PRICKLE2: variants seen among roughly 807,000 people sequenced by gnomAD.
PRICKLE2 encodes the protein prickle-like protein 2.
PRICKLE2 carries 21 observed loss-of-function variants against 81.4 expected under a neutral mutation model. That is an observed-to-expected ratio of 0.26 (90% CI 0.18 to 0.37). The LOEUF is 0.37. Among genes scored for constraint, PRICKLE2 ranks in the 10% least tolerant of loss-of-function variants. PRICKLE2 has a pLI of 1.00. For missense variants in PRICKLE2, 940 were observed against 1,109.0 expected, an observed-to-expected ratio of 0.85 and a Z score of 2.16; for synonymous variants, 456 against 421.5, an observed-to-expected ratio of 1.08 and a Z score of -1.00.
intron 2 of PRICKLE2, chr3:64,163,433 T>G: frequency 2.3e-6 from 1 of 444,432 alleles, no homozygotes; most frequent in Non-Finnish European, 4.2e-6. Flanking sequence ...GGGTAGGGCT[T>G]TCTCGGCAGA....
intron 7 of PRICKLE2, among the ~76,000 whole-genome samples, chr3:64,135,832 C>A (rs2077270584): frequency 6.6e-6 from 1 of 152,110 alleles, no homozygotes; most frequent in South Asian, 2.1e-4. Flanking sequence ...CTAGGTTAAA[C>A]AATCAAACAC....
At chr3:64,202,641 T>TGTGC (rs2078605836) in intron 1 of PRICKLE2, among the ~76,000 whole-genome samples, 1 of 95,974 alleles carries the variant, frequency 1.0e-5, no homozygotes, top group South Asian at 4.6e-4. Context: ...TAGGTACTTG[T>TGTGC]GTGCGTGTGT....
At chr3:64,248,447 T>G (rs1034056472) in intron 2 of PRICKLE2, among the ~76,000 whole-genome samples, 2 of 152,110 alleles carry the variant, frequency 1.3e-5, no homozygotes, top group Admixed American at 1.3e-4. Context: ...CACCCACATA[T>G]GCAGTAAGTT....
intron 7 of PRICKLE2, among the ~76,000 whole-genome samples, chr3:64,114,669 G>GAAAA (rs34758393): frequency 1.3e-5 from 2 of 148,914 alleles, no homozygotes; most frequent in Non-Finnish European, 3.0e-5. Context: ...GACAAGAATA[G>GAAAA]AAAAAAAAAA....
intron 7 of PRICKLE2, among the ~76,000 whole-genome samples, chr3:64,119,263 C>T (rs864377): frequency 0.6 from 91,660 of 152,002 alleles, 27,942 homozygotes; most frequent in East Asian, 0.84. Context: ...AAATAACTAA[C>T]GGGTACTAGG....
chr3:64,186,489 G>T (rs577130395), intron 2 of PRICKLE2, among the ~76,000 whole-genome samples: 2 of 152,306 alleles, frequency 1.3e-5, no homozygotes, highest in African/African-American at 4.8e-5. Flanking sequence ...TCGGAGGCCA[G>T]CACAAAGCCT....
intron 2 of PRICKLE2, among the ~76,000 whole-genome samples, chr3:64,168,324 T>C (rs780873107): frequency 1.3e-5 from 2 of 152,088 alleles, no homozygotes; most frequent in African/African-American, 2.4e-5. Flanking sequence ...AGAAGAATTG[T>C]CTTGAGCCAC....
In PRICKLE2 at chr3:64,153,255, C is replaced by T. The variant is rs941704858; in HGVS notation, c.714G>A (p.Glu238=). Residue 238 remains glutamate, a synonymous_variant, in exon 6 of 8, where the codon GAG becomes GAA. Transcript: ENST00000638394. ...AGCAGTGGCAACAGTAGGGTCTTCC[C>T]TCCTTCATGATGTAGCGCTGGCCGC... ...VLGGQRYIMK[E]GRPYCCHCFE... 4 of 1,614,176 alleles carry T rather than the reference C, an allele frequency of 2.5e-6. No individual in the cohort carries two copies. Among genetic ancestry groups the T allele is most frequent in the Admixed American group, 3.3e-5 (2 of 60,020 alleles).
At chr3:64,224,836 G>T (rs2079008569) in intron 1 of PRICKLE2, 74 bp downstream of exon 1, 1 of 886,514 alleles carries the variant, frequency 1.1e-6, no homozygotes, top group Non-Finnish European at 1.4e-6. Flanking sequence ...AAAGGCCCTA[G>T]ATCTGGCTTT....
At chr3:64,181,615 A>G (rs547122822) in intron 2 of PRICKLE2, among the ~76,000 whole-genome samples, 1 of 152,312 alleles carries the variant, frequency 6.6e-6, no homozygotes, top group African/African-American at 2.4e-5. Flanking sequence ...TGAAAAGAAA[A>G]AAAAACAATC....
At chr3:64,134,622 C>CCA (rs1389828246) in intron 7 of PRICKLE2, among the ~76,000 whole-genome samples, 1 of 148,294 alleles carries the variant, frequency 6.7e-6, no homozygotes, top group Non-Finnish European at 1.5e-5. Flanking sequence ...CTCCAAACTT[C>CCA]GAAGTGTTCC....
At chr3:64,206,026 A>G (rs537612465) in intron 1 of PRICKLE2, among the ~76,000 whole-genome samples, 1 of 152,148 alleles carries the variant, frequency 6.6e-6, no homozygotes, top group Non-Finnish European at 1.5e-5. Flanking sequence ...TGGAAAGAAG[A>G]AAAAATATAG....
chr3:64,180,379 T>A (rs1008436647), intron 2 of PRICKLE2, among the ~76,000 whole-genome samples: 3 of 152,184 alleles, frequency 2.0e-5, no homozygotes, highest in Non-Finnish European at 2.9e-5. Context: ...TACATTCACA[T>A]AGTTGTGCAA....
rs140680657 is a variant in PRICKLE2 at position 64,130,227 on chromosome 3, G to A, written c.1660+16603C>T. ...CACAACGTTAACATCTGGATGTCCTGAGAGTATTCCACATCTCTGTTGATG... is the reference window on the plus strand; with the variant it reads ...CACAACGTTAACATCTGGATGTCCTAAGAGTATTCCACATCTCTGTTGATG... On this transcript the variant is annotated intron_variant, in intron 7 of 7. Coordinates refer to ENST00000638394, the MANE Select transcript of PRICKLE2 (RefSeq NM_198859.4). 6.8e-3 allele frequency among the ~76,000 whole-genome samples: 1,032 copies of A among 152,152 alleles called. 6 individuals carry two copies. Among genetic ancestry groups the A allele is most frequent in the Non-Finnish European group, 0.012 (825 of 68,026 alleles).
chr3:64,169,302 T>C (rs1045572344), intron 2 of PRICKLE2, among the ~76,000 whole-genome samples: 1 of 152,144 alleles, frequency 6.6e-6, no homozygotes, highest in Non-Finnish European at 1.5e-5. Flanking sequence ...CTGAGGATAG[T>C]AGGACGGAAA....
At chr3:64,207,854 G>A (rs548779697) in intron 1 of PRICKLE2, among the ~76,000 whole-genome samples, 2 of 152,138 alleles carry the variant, frequency 1.3e-5, no homozygotes, top group African/African-American at 4.8e-5. Context: ...GTCTTTGTAC[G>A]CTAGTCATAT....
intron 1 of PRICKLE2, chr3:64,200,936 T>A (rs901311835): frequency 2.7e-5 from 4 of 150,376 alleles, no homozygotes; most frequent in African/African-American, 9.8e-5. Context: ...TTTAATTTTT[T>A]TTTTTTTTTT....
intron 1 of PRICKLE2, among the ~76,000 whole-genome samples, chr3:64,211,510 C>T (rs2078785194): frequency 6.6e-6 from 1 of 152,108 alleles, no homozygotes; most frequent in Admixed American, 6.5e-5. Flanking sequence ...AATTTATTCT[C>T]AGATGGTTCA....
chr3:64,178,610 G>T (rs2078064433), intron 2 of PRICKLE2, among the ~76,000 whole-genome samples: 1 of 152,146 alleles, frequency 6.6e-6, no homozygotes, highest in South Asian at 2.1e-4. Context: ...CCACAGCAGG[G>T]AAAGAAGAGA....
Sources: gnomAD v4.1 joint callset for allele counts (sites outside exome capture counted in the v4.1 genomes callset) on GRCh38, gnomAD v4.1.1 for gene constraint, MANE v1.5 for transcripts, NCBI Gene and HGNC (gene_info 2026-07-23, HGNC 2026-07-21) for gene names.